Variants in PAPPA observed in about 807,000 individuals in gnomAD.
PAPPA encodes the protein pappalysin 1.
A neutral mutation model predicts 164.0 loss-of-function variants in PAPPA; 60 were observed. That is an observed-to-expected ratio of 0.37 (90% CI 0.30 to 0.45). The LOEUF is 0.45. Among genes scored for constraint, PAPPA ranks in the 20% least tolerant of loss-of-function variants. The pLI is 1.00. For missense variants in PAPPA, 1,782 were observed against 2,087.3 expected, an observed-to-expected ratio of 0.85 and a Z score of 2.85; for synonymous variants, 875 against 814.1, an observed-to-expected ratio of 1.07 and a Z score of -1.27.
chr9:116,231,766 C>CTTTTTTTTTCTT (rs1844599299), intron 6 of PAPPA, among the ~76,000 whole-genome samples: 1 of 57,524 alleles, frequency 1.7e-5, no homozygotes, highest in Non-Finnish European at 3.1e-5. Context: ...TTTTCTTTTT[C>CTTTTTTTTTCTT]TTTTTTTTTT....
At chr9:116,363,152 CTTT>C (rs1237019495) in intron 18 of PAPPA, among the ~76,000 whole-genome samples, 1 of 152,182 alleles carries the variant, frequency 6.6e-6, no homozygotes, top group Non-Finnish European at 1.5e-5. Flanking sequence ...GGTGCAGCTT[CTTT>C]TATTATTAAT....
At chr9:116,340,662 T>A (rs1342177221) in intron 13 of PAPPA, among the ~76,000 whole-genome samples, 1 of 152,100 alleles carries the variant, frequency 6.6e-6, no homozygotes, top group East Asian at 1.9e-4. Flanking sequence ...GATGCCTCAA[T>A]CCCTGAAGTG....
intron 1 of PAPPA, among the ~76,000 whole-genome samples, chr9:116,157,393 A>C (rs1587932441): frequency 6.6e-6 from 1 of 152,222 alleles, no homozygotes. Flanking sequence ...AAAAATATAT[A>C]TACTAATACA....
chr9:116,316,057 G>A (rs1262112889), intron 10 of PAPPA, among the ~76,000 whole-genome samples: 1 of 152,206 alleles, frequency 6.6e-6, no homozygotes, highest in Non-Finnish European at 1.5e-5. Flanking sequence ...GAACAGGGAA[G>A]TCTAGAATTT....
chr9:116,155,466 G>A (rs1308070805), intron 1 of PAPPA, among the ~76,000 whole-genome samples: 2 of 152,146 alleles, frequency 1.3e-5, no homozygotes, highest in Non-Finnish European at 2.9e-5. Context: ...ATAAAACTGG[G>A]GAGCGGAGGT....
At position 116,374,082 on chromosome 9, in the gene PAPPA, G is replaced by GTGAT. The variant is rs1175634193; in HGVS notation, c.4606-3493_4606-3490dup. Among the ~76,000 whole-genome samples the GTGAT allele has an allele frequency of 2.6e-5, 4 of 152,072 alleles. No homozygotes were observed. In the East Asian group the frequency reaches 5.8e-4, roughly 22 times the overall value. Reference sequence around the variant, plus strand: ...TGTTAGTGATGGTGTTTTCATGCTGGTGATGATGGTGGTGGTAGTGGTGGT... The same window carrying GTGAT: ...TGTTAGTGATGGTGTTTTCATGCTGGTGATTGATGATGGTGGTGGTAGTGGTGGT... On this transcript the variant is annotated intron_variant, in intron 19 of 21. Transcript: ENST00000328252.
At chr9:116,387,744 C>T (rs1169820171) in intron 21 of PAPPA, among the ~76,000 whole-genome samples, 4 of 152,202 alleles carry the variant, frequency 2.6e-5, no homozygotes, top group Non-Finnish European at 5.9e-5. Context: ...TAAATTCACA[C>T]AGTTAGCAAG....
chr9:116,199,128 A>G (rs1055594832), intron 2 of PAPPA, among the ~76,000 whole-genome samples: 1 of 152,178 alleles, frequency 6.6e-6, no homozygotes, highest in Non-Finnish European at 1.5e-5. Flanking sequence ...TGCTTCTCTG[A>G]ACCAGCACCT....
At chr9:116,181,966 A>T (rs1042270227) in intron 1 of PAPPA, among the ~76,000 whole-genome samples, 1 of 152,232 alleles carries the variant, frequency 6.6e-6, no homozygotes, top group African/African-American at 2.4e-5. Flanking sequence ...GGTGCTGCAG[A>T]ACTTACAGAA....
At chr9:116,164,228 C>T (rs1388476560) in intron 1 of PAPPA, among the ~76,000 whole-genome samples, 1 of 152,176 alleles carries the variant, frequency 6.6e-6, no homozygotes, top group Non-Finnish European at 1.5e-5. Context: ...TTCAGAGGAT[C>T]CCTGGAACTG....
intron 18 of PAPPA, among the ~76,000 whole-genome samples, chr9:116,364,309 A>G (rs1238798980): frequency 3.3e-5 from 5 of 152,178 alleles, no homozygotes; most frequent in Non-Finnish European, 2.9e-5. Flanking sequence ...TAATTAAGTG[A>G]CCTTTAGGGA....
chr9:116,330,404 C>T (rs1182683997), intron 10 of PAPPA, among the ~76,000 whole-genome samples: 1 of 152,014 alleles, frequency 6.6e-6, no homozygotes, highest in Non-Finnish European at 1.5e-5. Flanking sequence ...TCTTTTTTAT[C>T]ATTTTGTCCC....
chr9:116,166,469 T>C (rs1057412743), intron 1 of PAPPA, among the ~76,000 whole-genome samples: 2 of 152,200 alleles, frequency 1.3e-5, no homozygotes, highest in Admixed American at 1.3e-4. Flanking sequence ...TGCTTCAGTC[T>C]TCACCCATTT....
At chr9:116,170,612 C>A (rs900723581) in intron 1 of PAPPA, among the ~76,000 whole-genome samples, 1 of 144,678 alleles carries the variant, frequency 6.9e-6, no homozygotes, top group African/African-American at 2.5e-5. Context: ...TTCCTCCCTA[C>A]CCCCTTATCT....
intron 7 of PAPPA, among the ~76,000 whole-genome samples, chr9:116,244,382 T>C (rs1440194393): frequency 2.6e-5 from 4 of 152,226 alleles, no homozygotes; most frequent in African/African-American, 4.8e-5. Flanking sequence ...GATAGTTCCA[T>C]TGATAAATTT....
chr9:116,349,916 A>C (rs1233332142), intron 15 of PAPPA, among the ~76,000 whole-genome samples: 3 of 151,986 alleles, frequency 2.0e-5, no homozygotes, highest in Non-Finnish European at 4.4e-5. Context: ...ACGGTGGGGG[A>C]ATGAGGACAG....
At chr9:116,182,127 A>G (rs901191384) in intron 1 of PAPPA, among the ~76,000 whole-genome samples, 1 of 152,204 alleles carries the variant, frequency 6.6e-6, no homozygotes, top group Non-Finnish European at 1.5e-5. Context: ...CCATTTCCCT[A>G]TTCTGAGCCT....
chr9:116,217,645 G>A (rs1050323300), intron 4 of PAPPA, among the ~76,000 whole-genome samples: 10 of 129,614 alleles, frequency 7.7e-5, no homozygotes, highest in South Asian at 2.3e-4. Context: ...ATGAGCACAC[G>A]CAAGCATACA....
chr9:116,241,287 T>C (rs1483376900), intron 7 of PAPPA, among the ~76,000 whole-genome samples: 1 of 152,190 alleles, frequency 6.6e-6, no homozygotes, highest in Non-Finnish European at 1.5e-5. Context: ...AACTTTTTGT[T>C]TCATTGATTA....
Sources: allele counts gnomAD v4.1 joint callset (sites outside exome capture counted in the v4.1 genomes callset), GRCh38; gene constraint gnomAD v4.1.1; transcripts MANE v1.5; gene names NCBI Gene and HGNC (gene_info 2026-07-23, HGNC 2026-07-21).